Variants in CLSTN2 observed in about 807,000 individuals in gnomAD.
The protein encoded by CLSTN2 is calsyntenin-2.
A neutral mutation model predicts 101.2 loss-of-function variants in CLSTN2; 48 were observed. The observed-to-expected ratio is 0.47, with a 90% CI of 0.38 to 0.60. The LOEUF is 0.60. CLSTN2 is among the 20% of genes least tolerant of loss of function. The probability of loss-of-function intolerance (pLI) is 0.00; values close to 1 mark genes in which losing one functional copy is unlikely to be tolerated. For synonymous variants in CLSTN2, 481 were observed against 463.6 expected, an observed-to-expected ratio of 1.04 and a Z score of -0.48; for missense variants, 1,160 against 1,238.2, an observed-to-expected ratio of 0.94 and a Z score of 0.95.
intron 1 of CLSTN2, among the ~76,000 whole-genome samples, chr3:140,072,776 A>T (rs2107777468): frequency 6.6e-6 from 1 of 152,358 alleles, no homozygotes; most frequent in South Asian, 2.1e-4. Context: ...ATTGTGGCTT[A>T]TTGAAATGTG....
At chr3:140,247,760 A>G (rs568916449) in intron 2 of CLSTN2, among the ~76,000 whole-genome samples, 13 of 152,230 alleles carry the variant, frequency 8.5e-5, no homozygotes, top group Non-Finnish European at 1.6e-4. Context: ...AGTCCCTCCT[A>G]GAGAAAGCTT....
At chr3:140,539,722 A>AC (rs1935434903) in intron 9 of CLSTN2, among the ~76,000 whole-genome samples, 1 of 152,178 alleles carries the variant, frequency 6.6e-6, no homozygotes, top group African/African-American at 2.4e-5. Flanking sequence ...AGTCCTCACA[A>AC]CCTGATGCAT....
chr3:140,142,361 T>A (rs1174859798), intron 1 of CLSTN2, among the ~76,000 whole-genome samples: 3 of 152,148 alleles, frequency 2.0e-5, no homozygotes, highest in African/African-American at 7.2e-5. Flanking sequence ...TACCCTGAGA[T>A]GAGGCTCAGA....
chr3:140,116,649 T>C (rs2009247564), intron 1 of CLSTN2, among the ~76,000 whole-genome samples: 1 of 152,170 alleles, frequency 6.6e-6, no homozygotes, highest in Non-Finnish European at 1.5e-5. Flanking sequence ...AGGTGTCTTC[T>C]GGCATTGCCT....
chr3:140,202,756 AAG>A (rs141657068), intron 2 of CLSTN2, among the ~76,000 whole-genome samples: 4,741 of 152,304 alleles, frequency 0.031, 114 homozygotes, highest in South Asian at 0.07. Context: ...GGAGGAAACC[AAG>A]AGAGTCAAGT....
intron 5 of CLSTN2, among the ~76,000 whole-genome samples, chr3:140,428,536 A>C (rs1404276793): frequency 1.3e-5 from 2 of 152,062 alleles, no homozygotes; most frequent in Non-Finnish European, 2.9e-5. Context: ...CCCAGACTGA[A>C]GAATCAGCTC....
chr3:140,030,835 G>C (rs2007531229), intron 1 of CLSTN2, among the ~76,000 whole-genome samples: 1 of 152,228 alleles, frequency 6.6e-6, no homozygotes, highest in African/African-American at 2.4e-5. Context: ...ATAAATTGCA[G>C]CTTCCGCCTT....
At chr3:140,082,506 T>G (rs1475410971) in intron 1 of CLSTN2, among the ~76,000 whole-genome samples, 2 of 152,154 alleles carry the variant, frequency 1.3e-5, no homozygotes, top group Non-Finnish European at 2.9e-5. Flanking sequence ...TCAGAATGAA[T>G]TAAGTCCACC....
At chr3:140,502,227 C>A (rs990833843) in intron 8 of CLSTN2, among the ~76,000 whole-genome samples, 4 of 152,208 alleles carry the variant, frequency 2.6e-5, no homozygotes, top group Non-Finnish European at 4.4e-5. Flanking sequence ...ATCTTTCAGG[C>A]TCAGCACTGT....
intron 8 of CLSTN2, among the ~76,000 whole-genome samples, chr3:140,531,889 C>A (rs566222713): frequency 6.6e-6 from 1 of 152,282 alleles, no homozygotes; most frequent in South Asian, 2.1e-4. Flanking sequence ...AAAGTGAGAT[C>A]CTTGGTTCCT....
intron 1 of CLSTN2, among the ~76,000 whole-genome samples, chr3:140,114,800 T>A (rs796712416): frequency 3.9e-5 from 6 of 152,278 alleles, no homozygotes; most frequent in African/African-American, 1.4e-4. Flanking sequence ...TGGAGTAATA[T>A]TGTTTTCATC....
At chr3:139,982,287 AG>A (rs997238991) in intron 1 of CLSTN2, among the ~76,000 whole-genome samples, 4 of 152,108 alleles carry the variant, frequency 2.6e-5, no homozygotes, top group African/African-American at 9.6e-5. Context: ...ATTATACTTT[AG>A]GGGGGCTTTT....
chr3:140,404,173 C>T (rs1313550147), intron 3 of CLSTN2, among the ~76,000 whole-genome samples: 1 of 152,232 alleles, frequency 6.6e-6, no homozygotes, highest in Non-Finnish European at 1.5e-5. Context: ...CTCTCTGTCA[C>T]AGCAGTTTTC....
chr3:140,191,279 A>G (rs2010563489), intron 2 of CLSTN2, among the ~76,000 whole-genome samples: 1 of 151,998 alleles, frequency 6.6e-6, no homozygotes, highest in African/African-American at 2.4e-5. Flanking sequence ...ATTGTGGTAT[A>G]TCATTCTTTT....
At chr3:140,156,260 G>T (rs886854582) in intron 1 of CLSTN2, among the ~76,000 whole-genome samples, 1 of 152,154 alleles carries the variant, frequency 6.6e-6, no homozygotes, top group African/African-American at 2.4e-5. Flanking sequence ...GGTCTGAAAG[G>T]AGGACAGGCT....
At chr3:140,101,674 C>T (rs2008968622) in intron 1 of CLSTN2, among the ~76,000 whole-genome samples, 1 of 152,186 alleles carries the variant, frequency 6.6e-6, no homozygotes, top group Non-Finnish European at 1.5e-5. Context: ...GTCATTCTTG[C>T]AAAGCTTGGT....
intron 2 of CLSTN2, among the ~76,000 whole-genome samples, chr3:140,274,617 C>T (rs1051730989): frequency 3.1e-4 from 47 of 152,172 alleles, no homozygotes; most frequent in African/African-American, 1.1e-3. Flanking sequence ...CCAGGGATGG[C>T]GCACAGAGTG....
At chr3:140,273,395 C>T (rs898358673) in intron 2 of CLSTN2, among the ~76,000 whole-genome samples, 4 of 152,234 alleles carry the variant, frequency 2.6e-5, no homozygotes, top group East Asian at 1.9e-4. Context: ...TATATATTTA[C>T]CATCCACCAT....
intron 1 of CLSTN2, among the ~76,000 whole-genome samples, chr3:140,134,882 G>A (rs1188144138): frequency 6.6e-6 from 1 of 151,762 alleles, no homozygotes; most frequent in East Asian, 1.9e-4. Context: ...CTAAATGATG[G>A]CTTGTGAAGA....
Sources: allele counts gnomAD v4.1 joint callset (sites outside exome capture counted in the v4.1 genomes callset), GRCh38; gene constraint gnomAD v4.1.1; transcripts MANE v1.5; gene names NCBI Gene and HGNC (gene_info 2026-07-23, HGNC 2026-07-21).